FRMD6: variants seen among roughly 807,000 people sequenced by gnomAD.
The protein encoded by FRMD6 is FERM domain-containing protein 6.
In FRMD6, 37 loss-of-function variants were observed where a neutral mutation model predicts 73.2. The ratio of observed to expected loss-of-function variants is 0.51; its 90% CI spans 0.39 to 0.66. The LOEUF (loss-of-function observed/expected upper bound fraction) is 0.66, where lower values mean the gene tolerates loss of function less well. Ranked by LOEUF, FRMD6 falls within the 30% of genes least tolerant of loss-of-function variation. The pLI is 0.00. For missense variants in FRMD6, 714 were observed against 780.5 expected, an observed-to-expected ratio of 0.91 and a Z score of 1.02; for synonymous variants, 273 against 282.2, an observed-to-expected ratio of 0.97 and a Z score of 0.33.
chr14:51,458,735 T>C, the FRMD6 span, among the ~76,000 whole-genome samples: 2 of 152,240 alleles, frequency 1.3e-5, no homozygotes, highest in African/African-American at 2.4e-5. Flanking sequence ...TGAATCATGG[T>C]GTCCAGTCAT....
intron 2 of FRMD6, among the ~76,000 whole-genome samples, chr14:51,595,800 C>T (rs1461721079): frequency 6.6e-6 from 1 of 152,200 alleles, no homozygotes; most frequent in East Asian, 1.9e-4. Flanking sequence ...CTTAGAGTCT[C>T]AGGCAATAAT....
intron 1 of FRMD6, among the ~76,000 whole-genome samples, chr14:51,674,580 TTTTG>T (rs1894250011): frequency 6.6e-6 from 1 of 152,044 alleles, no homozygotes; most frequent in Admixed American, 6.6e-5. Context: ...GGTTTCTGGT[TTTTG>T]TTTGTTTGAT....
At chr14:51,612,308 T>C (rs1024048448) in intron 2 of FRMD6, among the ~76,000 whole-genome samples, 12 of 152,188 alleles carry the variant, frequency 7.9e-5, no homozygotes, top group Admixed American at 7.9e-4. Flanking sequence ...AAAACCAGCC[T>C]CATTGTTGTA....
the FRMD6 span, among the ~76,000 whole-genome samples, chr14:51,445,398 A>G: frequency 6.6e-6 from 1 of 151,926 alleles, no homozygotes; most frequent in Admixed American, 6.6e-5. Flanking sequence ...CTCTTTTGTG[A>G]CCTCAAAAAT....
At chr14:51,406,079 A>G in the FRMD6 span, among the ~76,000 whole-genome samples, 1 of 152,108 alleles carries the variant, frequency 6.6e-6, no homozygotes, top group East Asian at 1.9e-4. Flanking sequence ...AGCATCATTT[A>G]TTTAATAGGG....
intron 6 of FRMD6, 97 bp downstream of exon 6, chr14:51,705,032 T>A: frequency 8.9e-7 from 1 of 1,118,232 alleles, no homozygotes; most frequent in Non-Finnish European, 1.3e-6. Context: ...GGAACACAGA[T>A]GTTCTGTGGC....
At chr14:51,711,265 G>A (rs1348694611) in intron 7 of FRMD6, among the ~76,000 whole-genome samples, 1 of 152,148 alleles carries the variant, frequency 6.6e-6, no homozygotes, top group Non-Finnish European at 1.5e-5. Flanking sequence ...ATACAAAAGT[G>A]TATGTAATAT....
At chr14:51,582,180 GAA>G (rs1455398674) in intron 2 of FRMD6, among the ~76,000 whole-genome samples, 1 of 152,198 alleles carries the variant, frequency 6.6e-6, no homozygotes, top group Non-Finnish European at 1.5e-5. Flanking sequence ...GTGTTCTACA[GAA>G]AGAGTCACTA....
In FRMD6 at chr14:51,494,797, T is replaced by C. The variant is rs188933249; in HGVS notation, c.-210+5377T>C. Among the ~76,000 whole-genome samples the C allele has an allele frequency of 3.6e-3, 551 of 152,338 alleles. 3 individuals are homozygous for C. The highest frequency in any genetic ancestry group is 5.8e-3 in the Admixed American group (88 of 15,302). Reference sequence around the variant, plus strand: ...TGACAGCCGTAATATTTTCTGAATTTCCTTCAGAGCCATTCTTCCATTGTC... The same window carrying C: ...TGACAGCCGTAATATTTTCTGAATTCCCTTCAGAGCCATTCTTCCATTGTC... On this transcript the variant is annotated intron_variant, in intron 1 of 14. Transcript: ENST00000356218.
At chr14:51,551,353 A>G (rs1596581701) in intron 1 of FRMD6, among the ~76,000 whole-genome samples, 1 of 152,360 alleles carries the variant, frequency 6.6e-6, no homozygotes, top group Non-Finnish European at 1.5e-5. Flanking sequence ...TGACTTAAAT[A>G]TAGATAGTAA....
At position 51,703,022 on chromosome 14, in the gene FRMD6, G is replaced by A. The variant is rs181437426; in HGVS notation, c.371+434G>A. Among the ~76,000 whole-genome samples, 180 of 152,164 alleles carry A rather than the reference G, an allele frequency of 1.2e-3. 2 individuals are homozygous for A. Among genetic ancestry groups the A allele is most frequent in the Non-Finnish European group, 6.3e-4 (43 of 67,974 alleles). On this transcript the variant is annotated intron_variant, in intron 5 of 13. Coordinates refer to ENST00000344768, the MANE Select transcript of FRMD6 (RefSeq NM_001267046.2). ...CAGAGGCAGGAACTCTCCTATAAAA[G>A]TGGATGGGTGTTTATATAATCGGTT...
intron 2 of FRMD6, among the ~76,000 whole-genome samples, chr14:51,576,803 G>A (rs964558673): frequency 5.9e-5 from 9 of 152,248 alleles, no homozygotes; most frequent in South Asian, 2.1e-4. Context: ...TGTCTGGCAC[G>A]TTGCATAAAT....
chr14:51,443,904 G>C, the FRMD6 span, among the ~76,000 whole-genome samples: 1 of 151,168 alleles, frequency 6.6e-6, no homozygotes, highest in African/African-American at 2.4e-5. Context: ...TTGGGGTAAA[G>C]GTAGGGAGAA....
At chr14:51,537,614 G>C (rs1347913031) in intron 1 of FRMD6, among the ~76,000 whole-genome samples, 1 of 152,134 alleles carries the variant, frequency 6.6e-6, no homozygotes, top group Non-Finnish European at 1.5e-5. Context: ...ATCCTATTTT[G>C]CATTCTCTGT....
chr14:51,688,224 A>G (rs904035472), intron 1 of FRMD6, among the ~76,000 whole-genome samples: 1 of 152,022 alleles, frequency 6.6e-6, no homozygotes, highest in Non-Finnish European at 1.5e-5. Flanking sequence ...GCCTCCAATG[A>G]CCCCATGAGG....
the FRMD6 span, among the ~76,000 whole-genome samples, chr14:51,443,669 T>G: frequency 6.6e-6 from 1 of 152,170 alleles, no homozygotes; most frequent in Non-Finnish European, 1.5e-5. Context: ...TACTCTTCTC[T>G]CTGAAAGTCT....
chr14:51,494,779 C>T lies in FRMD6; in HGVS notation c.-210+5359C>T, dbSNP rs746376036. Among the ~76,000 whole-genome samples the T allele has an allele frequency of 3.3e-5, 5 of 152,230 alleles. No individual in the cohort carries two copies. In the East Asian group the frequency reaches 5.8e-4, roughly 18 times the overall value. On this transcript the variant is annotated intron_variant, in intron 1 of 14. Transcript: ENST00000356218. ...CTGGGCCCATGATGAAGGTGACAGC[C>T]GTAATATTTTCTGAATTTCCTTCAG...
chr14:51,403,799 A>G, the FRMD6 span, among the ~76,000 whole-genome samples: 1 of 152,190 alleles, frequency 6.6e-6, no homozygotes, highest in Admixed American at 6.5e-5. Context: ...ATTGTATTGA[A>G]TGAATATGCC....
chr14:51,509,580 G>C (rs114534330), intron 1 of FRMD6, among the ~76,000 whole-genome samples: 2 of 151,956 alleles, frequency 1.3e-5, no homozygotes, highest in South Asian at 4.2e-4. Context: ...CACTCTAGCA[G>C]GACAAAGGTT....
Sources: allele counts gnomAD v4.1 joint callset (sites outside exome capture counted in the v4.1 genomes callset), GRCh38; gene constraint gnomAD v4.1.1; transcripts MANE v1.5; gene names NCBI Gene and HGNC (gene_info 2026-07-23, HGNC 2026-07-21).